The following BTBD1 variants were observed in gnomAD, a reference collection of about 807,000 sequenced individuals.
BTBD1 encodes BTB domain containing 1, also known as BTB/POZ domain-containing protein 1.
BTBD1 carries 34 observed loss-of-function variants against 48.0 expected under a neutral mutation model. The observed-to-expected ratio is 0.71, with a 90% CI of 0.54 to 0.94. The LOEUF (loss-of-function observed/expected upper bound fraction) is 0.94, where lower values mean the gene tolerates loss of function less well. BTBD1 is among the 40% of genes least tolerant of loss of function. The pLI, the probability that BTBD1 is intolerant of heterozygous loss-of-function variation, is 0.00. For missense variants in BTBD1, 543 were observed against 625.6 expected (o/e 0.87, Z 1.41); for synonymous variants, 261 against 242.1 (o/e 1.08, Z -0.72).
Position 83,017,279 on chromosome 15 carries a change from GTCA to G in BTBD1, c.*785_*787del, listed in dbSNP as rs2032188966. Reference sequence around the variant, plus strand: ...GGCTGTTCACCCAGTCGTCATCACCGTCATCATCTCAATCTTGGGAATCATCAG... The same window carrying G: ...GGCTGTTCACCCAGTCGTCATCACCGTCATCTCAATCTTGGGAATCATCAG... On this transcript the variant is annotated 3_prime_UTR_variant, in exon 8 of 8. Transcript: ENST00000261721. 1 of 152,568 alleles carries G rather than the reference GTCA, an allele frequency of 6.6e-6. No homozygotes were observed. The highest frequency in any genetic ancestry group is 1.5e-5 in the Non-Finnish European group (1 of 68,036). 9.5% of individuals were successfully genotyped at this position (152,568 alleles called of 1,614,324 possible).
intron 2 of BTBD1, among the ~76,000 whole-genome samples, chr15:83,051,904 A>ACACC (rs61375537): frequency 6.7e-6 from 1 of 149,882 alleles, no homozygotes; most frequent in African/African-American, 2.5e-5. Context: ...ACACACACAC[A>ACACC]TCTATCTGGG....
At chr15:83,020,630 TTTGTG>T (rs769162865) in intron 6 of BTBD1, 40 bp downstream of exon 6, 103 of 1,251,324 alleles carry the variant, frequency 8.2e-5, no homozygotes, top group South Asian at 6.2e-4. Context: ...AAGTTACCTG[TTTGTG>T]TTATTTCAAA....
intron 2 of BTBD1, among the ~76,000 whole-genome samples, chr15:83,053,013 A>G (rs1295253214): frequency 1.3e-5 from 2 of 151,980 alleles, no homozygotes; most frequent in African/African-American, 4.8e-5. Flanking sequence ...CACTCTAGGA[A>G]AAACAATTTT....
intron 1 of BTBD1, among the ~76,000 whole-genome samples, chr15:83,064,135 G>A (rs143747122): frequency 5.3e-5 from 8 of 152,226 alleles, no homozygotes; most frequent in Middle Eastern, 3.2e-3. Context: ...GAGCCTGTAA[G>A]TAATGTTAAC....
At chr15:83,046,271 T>A (rs1005643631) in intron 3 of BTBD1, among the ~76,000 whole-genome samples, 1 of 152,106 alleles carries the variant, frequency 6.6e-6, no homozygotes, top group Non-Finnish European at 1.5e-5. Context: ...TGATAAAAAA[T>A]GTTTTTTAAT....
intron 3 of BTBD1, among the ~76,000 whole-genome samples, chr15:83,049,585 CTCT>C (rs1413824406): frequency 1.3e-5 from 2 of 149,248 alleles, no homozygotes; most frequent in African/African-American, 5.0e-5. Flanking sequence ...CATATGTCCT[CTCT>C]TTTTTTTTAA....
chr15:83,066,245 A>G (rs2033267179), intron 1 of BTBD1, among the ~76,000 whole-genome samples: 1 of 152,128 alleles, frequency 6.6e-6, no homozygotes, highest in African/African-American at 2.4e-5. Context: ...GGCTGCAGTG[A>G]GCCATGATCG....
In BTBD1 at chr15:83,018,800, A is replaced by G. The variant is rs112017737; in HGVS notation, c.1197T>C (p.Ser399=). The G allele has an allele frequency of 1.0e-3, 1,666 of 1,613,940 alleles. 6 individuals are homozygous for G. The highest frequency in any genetic ancestry group is 3.6e-3 in the Middle Eastern group (22 of 6,062). ...QTLGQNDTGF[S]CDGTANTFRV... The stretch of plus-strand genomic sequence containing the variant: ...TGAATGTGTTAGCTGTCCCATCACA[A>G]CTAAAGCCGGTATCATTCTGTCCCA... The change falls in exon 7 of 8, where the codon AGT becomes AGC. Residue 399 remains serine, a synonymous_variant. Coordinates refer to ENST00000261721, the MANE Select transcript of BTBD1 (RefSeq NM_025238.4).
At chr15:83,049,979 C>A in intron 3 of BTBD1, 94 bp downstream of exon 3, 1 of 653,760 alleles carries the variant, frequency 1.5e-6, no homozygotes, top group Non-Finnish European at 2.6e-6. Context: ...TTGGGAAAGC[C>A]ACTGATTTAA....
intron 4 of BTBD1, among the ~76,000 whole-genome samples, chr15:83,041,419 G>A (rs1401589514): frequency 5.3e-5 from 8 of 150,532 alleles, no homozygotes; most frequent in South Asian, 2.1e-4. Context: ...TCTGTCGCCC[G>A]GGCTGGAATG....
At chr15:83,041,459 T>G (rs2032758901) in intron 4 of BTBD1, among the ~76,000 whole-genome samples, 1 of 151,438 alleles carries the variant, frequency 6.6e-6, no homozygotes, top group South Asian at 2.1e-4. Flanking sequence ...CACTGCAACC[T>G]CCGTCTCCTG....
At chr15:83,063,717 G>C (rs1466974457) in intron 1 of BTBD1, among the ~76,000 whole-genome samples, 1 of 152,112 alleles carries the variant, frequency 6.6e-6, no homozygotes, top group African/African-American at 2.4e-5. Context: ...GCACCATCCT[G>C]TCTGGCCTAT....
chr15:83,035,565 G>A (rs892832958), intron 4 of BTBD1, among the ~76,000 whole-genome samples: 1 of 149,866 alleles, frequency 6.7e-6, no homozygotes, highest in Non-Finnish European at 1.5e-5. Context: ...TAAAAACTGT[G>A]GGGGGGAAGG....
chr15:83,034,172 C>T (rs1311762136), intron 4 of BTBD1, among the ~76,000 whole-genome samples: 1 of 150,546 alleles, frequency 6.6e-6, no homozygotes, highest in East Asian at 1.9e-4. Context: ...CCAAATATTC[C>T]AAATAAAAGG....
intron 2 of BTBD1, 138 bp from the exon 3 acceptor site, chr15:83,050,316 CTACA>C (rs1407796511): frequency 1.8e-6 from 1 of 544,270 alleles, no homozygotes; most frequent in African/African-American, 1.9e-5. Context: ...GCAATAATGT[CTACA>C]TATTCTTAAA....
Position 83,067,181 on chromosome 15 carries a change from G to A in BTBD1, c.-30C>T, listed in dbSNP as rs373826735. The A allele has an allele frequency of 2.2e-6, 3 of 1,378,206 alleles. No individual in the cohort carries two copies. Among genetic ancestry groups the A allele is most frequent in the East Asian group, 2.9e-5 (1 of 34,946 alleles). 85.4% of individuals were successfully genotyped at this position (1,378,206 alleles called of 1,614,324 possible). The stretch of plus-strand genomic sequence containing the variant: ...CAGCTGCGCGGTTGCCCACGTTATG[G>A]ACAAAACTCCGCCGCCATCGCCCAG... On this transcript the variant is annotated 5_prime_UTR_variant, in exon 1 of 8. Transcript: ENST00000261721.
chr15:83,023,957 T>C (rs920567870), intron 5 of BTBD1, among the ~76,000 whole-genome samples: 2 of 152,086 alleles, frequency 1.3e-5, no homozygotes, highest in Non-Finnish European at 2.9e-5. Flanking sequence ...AGCCTCAACC[T>C]CCCAGGTTCA....
chr15:83,034,024 G>A (rs1483080998), intron 4 of BTBD1, among the ~76,000 whole-genome samples: 11 of 150,010 alleles, frequency 7.3e-5, no homozygotes, highest in Admixed American at 5.3e-4. Context: ...GGAGGTTGAC[G>A]CTGGAGTAAG....
rs2033080006 is a variant in BTBD1, at chr15:83,056,283, A to G, written c.558+106T>C. 5 of 687,330 alleles carry G rather than the reference A, an allele frequency of 7.3e-6. No individual in the cohort carries two copies. The African/African-American group carries it at 9.0e-5, about 12-fold the overall frequency. 42.6% of individuals were successfully genotyped at this position (687,330 alleles called of 1,614,324 possible). Reference sequence around the variant, plus strand: ...TTGTATTATAAAAATCATTTTATATACTTTAAAATTATAATCTAGAATTCT... The same window carrying G: ...TTGTATTATAAAAATCATTTTATATGCTTTAAAATTATAATCTAGAATTCT... On this transcript the variant is annotated intron_variant, in intron 2 of 7. Coordinates refer to ENST00000261721, the MANE Select transcript of BTBD1 (RefSeq NM_025238.4).
Sources: gnomAD v4.1 joint callset for allele counts (sites outside exome capture counted in the v4.1 genomes callset) on GRCh38, gnomAD v4.1.1 for gene constraint, MANE v1.5 for transcripts, NCBI Gene and HGNC (gene_info 2026-07-23, HGNC 2026-07-21) for gene names.